FBXO16: variants seen among roughly 807,000 people sequenced by gnomAD.
FBXO16 encodes F-box only protein 16.
In FBXO16, 31 loss-of-function variants were observed where a neutral mutation model predicts 41.0. That is an observed-to-expected ratio of 0.76 (90% CI 0.57 to 1.02). The LOEUF (loss-of-function observed/expected upper bound fraction) is 1.02, where lower values mean the gene tolerates loss of function less well. Ranked by LOEUF, FBXO16 falls within the 50% of genes least tolerant of loss-of-function variation. The pLI, the probability that FBXO16 is intolerant of heterozygous loss-of-function variation, is 0.00. For synonymous variants in FBXO16, 133 were observed against 117.8 expected, an observed-to-expected ratio of 1.13 and a Z score of -0.84; for missense variants, 361 against 346.2, an observed-to-expected ratio of 1.04 and a Z score of -0.34.
At chr8:28,487,598 T>C (rs1206823123) in intron 1 of FBXO16, among the ~76,000 whole-genome samples, 1 of 152,084 alleles carries the variant, frequency 6.6e-6, no homozygotes, top group East Asian at 1.9e-4. Flanking sequence ...TTTCCCCATG[T>C]TGGTCAGGCT....
intron 2 of FBXO16, among the ~76,000 whole-genome samples, chr8:28,478,032 C>T (rs1004418181): frequency 9.9e-5 from 15 of 152,116 alleles, no homozygotes; most frequent in Non-Finnish European, 2.2e-4. Context: ...CAAACACCAG[C>T]TTGGCATAAT....
chr8:28,456,938 AACAATT>A lies in FBXO16; in HGVS notation c.343-14_343-9del. ...CTTCCAATGCCAGCACACCTGGAAA[AACAATT>A]ACAATTAAACAAAACCAAATCAAAC... On this transcript the variant is annotated splice_polypyrimidine_tract_variant and intron_variant, in intron 4 of 8. Transcript: ENST00000380254. 1 of 1,610,580 alleles carries A rather than the reference AACAATT, an allele frequency of 6.2e-7. No homozygotes were observed. Among genetic ancestry groups the A allele is most frequent in the Non-Finnish European group, 8.5e-7 (1 of 1,178,236 alleles).
intron 4 of FBXO16, among the ~76,000 whole-genome samples, chr8:28,458,716 C>G (rs1396912644): frequency 6.6e-6 from 1 of 152,056 alleles, no homozygotes; most frequent in Non-Finnish European, 1.5e-5. Context: ...CTATGCCCAT[C>G]TAATTCTGTA....
At chr8:28,451,100 G>A (rs1294976031) in intron 6 of FBXO16, among the ~76,000 whole-genome samples, 7 of 152,068 alleles carry the variant, frequency 4.6e-5, no homozygotes, top group African/African-American at 4.8e-5. Flanking sequence ...CTCCATCCCC[G>A]CACTCACCCA....
At chr8:28,475,423 C>T (rs1803408314) in intron 2 of FBXO16, among the ~76,000 whole-genome samples, 1 of 152,164 alleles carries the variant, frequency 6.6e-6, no homozygotes, top group South Asian at 2.1e-4. Context: ...GCCACCTGGG[C>T]TACCAGGACC....
intron 1 of FBXO16, among the ~76,000 whole-genome samples, chr8:28,489,525 CAAAAA>C (rs3049787): frequency 0.32 from 40,511 of 128,142 alleles, 6,321 homozygotes; most frequent in Middle Eastern, 0.38. Context: ...CCTATCTCTA[CAAAAA>C]AAAAAAAAAA....
At chr8:28,484,128 A>G (rs927065838) in intron 1 of FBXO16, among the ~76,000 whole-genome samples, 3 of 152,122 alleles carry the variant, frequency 2.0e-5, no homozygotes, top group African/African-American at 7.2e-5. Context: ...CTCTGGGGGG[A>G]AATCCAGAAT....
intron 1 of FBXO16, among the ~76,000 whole-genome samples, chr8:28,486,775 G>T (rs1253562096): frequency 1.3e-5 from 2 of 152,016 alleles, no homozygotes; most frequent in African/African-American, 4.8e-5. Context: ...AGGAGGTTGA[G>T]GCTGCGGTAA....
chr8:28,455,445 C>A (rs942329848), intron 5 of FBXO16, among the ~76,000 whole-genome samples: 1 of 152,162 alleles, frequency 6.6e-6, no homozygotes, highest in African/African-American at 2.4e-5. Flanking sequence ...CTATGTTATA[C>A]GAGCTGGTCT....
chr8:28,434,559 G>A (rs1292237518), intron 7 of FBXO16, among the ~76,000 whole-genome samples: 1 of 152,192 alleles, frequency 6.6e-6, no homozygotes, highest in Non-Finnish European at 1.5e-5. Context: ...TGCCTGTGAT[G>A]TGGTAAAGAA....
chr8:28,463,789 T>A lies in FBXO16; in HGVS notation c.165A>T (p.Arg55Ser), dbSNP rs1487238232. Residue 55 changes from arginine (R) to serine (S), a missense_variant, in exon 4 of 9, where the codon AGA (arginine) becomes AGT (serine). Coordinates refer to ENST00000380254, the MANE Select transcript of FBXO16 (RefSeq NM_172366.4). ...GCTCCAACAGGCCTGTGAGGATTCT[T>A]CTTCTTTGAGAGTCTGTCCATTTGT... ...WFDKWTDSQR[R>S]RILTGLLERC... The A allele has an allele frequency of 1.2e-6, 2 of 1,613,894 alleles. No homozygotes were observed. Among genetic ancestry groups the A allele is most frequent in the Non-Finnish European group, 1.7e-6 (2 of 1,179,940 alleles).
intron 7 of FBXO16, among the ~76,000 whole-genome samples, chr8:28,434,260 C>T (rs972087370): frequency 2.0e-5 from 3 of 152,042 alleles, no homozygotes; most frequent in Admixed American, 6.6e-5. Context: ...TGCACCTGGC[C>T]CCTGATTGAT....
At chr8:28,441,252 T>C (rs753310484) in intron 7 of FBXO16, among the ~76,000 whole-genome samples, 1 of 151,984 alleles carries the variant, frequency 6.6e-6, no homozygotes, top group Non-Finnish European at 1.5e-5. Flanking sequence ...CCTCTTCCCT[T>C]CCAGGAGCAG....
At chr8:28,441,711 G>C (rs566322316) in intron 7 of FBXO16, among the ~76,000 whole-genome samples, 3 of 147,520 alleles carry the variant, frequency 2.0e-5, no homozygotes, top group East Asian at 4.0e-4. Flanking sequence ...ACTCCAGCCT[G>C]GGCAACAAGA....
intron 7 of FBXO16, among the ~76,000 whole-genome samples, chr8:28,432,238 C>G (rs1265424859): frequency 6.6e-6 from 1 of 151,554 alleles, no homozygotes; most frequent in Admixed American, 6.6e-5. Flanking sequence ...CTTTGGGAGG[C>G]CGATGTGGGC....
At chr8:28,456,331 A>G (rs1170179404) in intron 5 of FBXO16, among the ~76,000 whole-genome samples, 1 of 152,200 alleles carries the variant, frequency 6.6e-6, no homozygotes, top group Non-Finnish European at 1.5e-5. Context: ...TTATTAGAAA[A>G]CTTTTCCTTA....
intron 5 of FBXO16, 106 bp downstream of exon 5, chr8:28,456,660 T>C: frequency 7.7e-7 from 1 of 1,292,504 alleles, no homozygotes; most frequent in South Asian, 1.4e-5. Context: ...ATATGTCCTT[T>C]GAACTACCTC....
chr8:28,483,117 G>A (rs1020454815), intron 2 of FBXO16, among the ~76,000 whole-genome samples: 2 of 152,092 alleles, frequency 1.3e-5, no homozygotes, highest in African/African-American at 4.8e-5. Flanking sequence ...GACAGTGGGG[G>A]AAAGAACAAA....
intron 6 of FBXO16, among the ~76,000 whole-genome samples, chr8:28,451,994 CAA>C (rs753582333): frequency 2.3e-3 from 220 of 95,984 alleles, no homozygotes; most frequent in Middle Eastern, 5.7e-3. Flanking sequence ...GACTACGTCT[CAA>C]AAAAAAAAAA....
Sources: allele counts gnomAD v4.1 joint callset (sites outside exome capture counted in the v4.1 genomes callset), GRCh38; gene constraint gnomAD v4.1.1; transcripts MANE v1.5; gene names NCBI Gene and HGNC (gene_info 2026-07-23, HGNC 2026-07-21).